The following UNC79 variants were observed in gnomAD, a reference collection of about 807,000 sequenced individuals.
UNC79 encodes protein unc-79 homolog.
Under a neutral mutation model 283.1 loss-of-function variants are expected in UNC79, and 37 were observed. The observed-to-expected ratio is 0.13, with a 90% CI of 0.10 to 0.17. The LOEUF is 0.17. UNC79 is among the 10% of genes least tolerant of loss of function. UNC79 has a pLI of 1.00. For synonymous variants in UNC79, 1,107 were observed against 1,200.2 expected (o/e 0.92, Z 1.61); for missense variants, 2,272 against 3,211.1 (o/e 0.71, Z 7.07).
chr14:93,685,073 A>G (rs1047358062), intron 42 of UNC79, among the ~76,000 whole-genome samples: 7 of 152,220 alleles, frequency 4.6e-5, no homozygotes, highest in African/African-American at 1.4e-4. Flanking sequence ...TCTTGACCAT[A>G]CAGTGAATTT....
intron 1 of UNC79, among the ~76,000 whole-genome samples, chr14:93,400,236 G>A (rs2055080372): frequency 6.6e-6 from 1 of 152,154 alleles, no homozygotes; most frequent in Non-Finnish European, 1.5e-5. Context: ...TATCATGCAT[G>A]GTATTTGAGA....
At chr14:93,336,473 C>T (rs2053580148) in intron 1 of UNC79, among the ~76,000 whole-genome samples, 2 of 152,056 alleles carry the variant, frequency 1.3e-5, no homozygotes, top group African/African-American at 4.8e-5. Flanking sequence ...TCCCGAGTAG[C>T]TGGGATTACA....
At chr14:93,542,037 A>C (rs1225577917) in intron 13 of UNC79, among the ~76,000 whole-genome samples, 2 of 147,320 alleles carry the variant, frequency 1.4e-5, no homozygotes, top group Non-Finnish European at 3.0e-5. Flanking sequence ...AAGTCTATTT[A>C]TGATAGTGAA....
intron 1 of UNC79, among the ~76,000 whole-genome samples, chr14:93,416,464 G>A (rs1191908461): frequency 6.6e-6 from 1 of 152,036 alleles, no homozygotes; most frequent in East Asian, 1.9e-4. Context: ...TTTGGAATAG[G>A]TGTGGTGTGG....
At position 93,542,709 on chromosome 14, in the gene UNC79, C is replaced by G; in HGVS notation, c.1755+13C>G. ...GGAATTTGCCAGGGTAAGTGGAGGC[C>G]TACAGCTCACACCTTGTTAGAGAGG... On this transcript the variant is annotated intron_variant, in intron 14 of 48. Transcript: ENST00000555664. The G allele has an allele frequency of 6.2e-7, 1 of 1,613,730 alleles. No homozygotes were observed. The highest frequency in any genetic ancestry group is 8.5e-7 in the Non-Finnish European group (1 of 1,179,636).
rs542668068 is a variant in UNC79, at chr14:93,664,656, G to T, written c.6636+1942G>T. Among the ~76,000 whole-genome samples, 5 of 152,278 alleles carry T rather than the reference G, an allele frequency of 3.3e-5. No homozygotes were observed. In the South Asian group the frequency reaches 1.0e-3, roughly 32 times the overall value. The stretch of plus-strand genomic sequence containing the variant: ...TGGTATCTGTCTCAGTTTGGGAACT[G>T]GGAGAAAGATTTATAGTCTCCCTTG... On this transcript the variant is annotated intron_variant, in intron 40 of 48. Transcript: ENST00000555664.
intron 35 of UNC79, among the ~76,000 whole-genome samples, chr14:93,653,182 A>G (rs2070490767): frequency 6.6e-6 from 1 of 152,124 alleles, no homozygotes; most frequent in Admixed American, 6.5e-5. Context: ...ATTTGGCCCT[A>G]CTTTTGATGT....
Position 93,420,981 on chromosome 14 carries a change from A to G in UNC79, c.-350-46690A>G, listed in dbSNP as rs12895502. On this transcript the variant is annotated intron_variant, in intron 1 of 49. Transcript: ENST00000256339. Reference sequence around the variant, plus strand: ...AGTATGAAGATGGAAGTTCCCAGCTATAAGTGCCTACATTGTGGAATAAGA... The same window carrying G: ...AGTATGAAGATGGAAGTTCCCAGCTGTAAGTGCCTACATTGTGGAATAAGA... Among the ~76,000 whole-genome samples, 232 of 151,770 alleles carry G rather than the reference A, an allele frequency of 1.5e-3. 6 individuals are homozygous for G. Among genetic ancestry groups the G allele is most frequent in the Non-Finnish European group, 3.0e-3 (202 of 67,884 alleles).
intron 23 of UNC79, 113 bp from the exon 24 acceptor site, chr14:93,597,246 G>T (rs1425554452): frequency 1.8e-6 from 2 of 1,117,480 alleles, no homozygotes; most frequent in African/African-American, 3.1e-5. Context: ...GGGAGACCCA[G>T]AGTTAACTTT....
rs1156616800 is a variant in UNC79 at position 93,531,148 on chromosome 14, A to G, written c.1094-1402A>G. On this transcript the variant is annotated intron_variant, in intron 10 of 48. Transcript: ENST00000555664. The surrounding 1 kb of genome is among the most constrained non-coding windows in gnomAD (Gnocchi z 4.2). ...TCCAGTGATATTCATCTTTAGAGGA[A>G]TATTGGCAATAACTTTTCATTACTT... 6.6e-6 allele frequency among the ~76,000 whole-genome samples: 1 copy of G among 152,218 alleles called. No homozygotes were observed.
intron 1 of UNC79, among the ~76,000 whole-genome samples, chr14:93,467,204 AT>A (rs1337073717): frequency 6.6e-6 from 1 of 152,116 alleles, no homozygotes; most frequent in Non-Finnish European, 1.5e-5. Context: ...GGAACTCCCT[AT>A]ATTTTAGGAT....
At chr14:93,662,543 A>G (rs1268783193) in intron 39 of UNC79, 61 bp from the exon 43 acceptor site, 1 of 1,165,450 alleles carries the variant, frequency 8.6e-7, no homozygotes, top group Non-Finnish European at 1.2e-6. Context: ...TAAGATTTTA[A>G]TACTTTTTTT....
intron 29 of UNC79, 113 bp from the exon 31 acceptor site, chr14:93,620,779 C>T (rs924704648): frequency 2.6e-5 from 8 of 310,162 alleles, no homozygotes; most frequent in Middle Eastern, 1.0e-3. Flanking sequence ...TGGGCTGGTG[C>T]AGAAACTAAC....
At chr14:93,546,620 TAGG>T (rs1300018042) in intron 14 of UNC79, among the ~76,000 whole-genome samples, 3 of 152,216 alleles carry the variant, frequency 2.0e-5, no homozygotes, top group African/African-American at 7.2e-5. Context: ...ATAGATAGCT[TAGG>T]AGAAAAGAGA....
chr14:93,542,408 T>C (rs2061421972), intron 13 of UNC79, 58 bp from the exon 14 acceptor site: 6 of 1,527,302 alleles, frequency 3.9e-6, no homozygotes, highest in Non-Finnish European at 5.3e-6. Context: ...AATGCACCTA[T>C]AATAATTTTG....
exon 7 of UNC79, chr14:93,497,202 C>G (rs1280252786): frequency 1.9e-6 from 3 of 1,613,592 alleles, no homozygotes; most frequent in Non-Finnish European, 8.5e-7. Context: ...AGTGAAGCCT[C>G]CAGCTGTGCA....
At chr14:93,571,973 C>T in exon 15 of UNC79, 2 of 1,614,194 alleles carry the variant, frequency 1.2e-6, no homozygotes, top group Non-Finnish European at 1.7e-6. Flanking sequence ...TGCCTGATCC[C>T]CTATAATGTG....
intron 15 of UNC79, 147 bp downstream of exon 15, chr14:93,572,231 C>T: frequency 1.2e-6 from 1 of 820,438 alleles, no homozygotes; most frequent in Non-Finnish European, 1.8e-6. Flanking sequence ...GAAGCCCCAA[C>T]ATGAAATAGC....
chr14:93,482,090 C>T (rs1018801551), intron 4 of UNC79, among the ~76,000 whole-genome samples: 6 of 152,116 alleles, frequency 3.9e-5, no homozygotes, highest in Non-Finnish European at 5.9e-5. Context: ...ATATTATGCA[C>T]GTGTATATCA....
Sources: allele counts gnomAD v4.1 joint callset (sites outside exome capture counted in the v4.1 genomes callset), GRCh38; gene constraint gnomAD v4.1.1; non-coding constraint Gnocchi (gnomAD v3.1); transcripts MANE v1.5; gene names NCBI Gene and HGNC (gene_info 2026-07-23, HGNC 2026-07-21).